PCNX4: variants seen among roughly 807,000 people sequenced by gnomAD.
PCNX4 encodes the protein pecanex 4.
In PCNX4, 103 loss-of-function variants were observed where a neutral mutation model predicts 107.2. That is an observed-to-expected ratio of 0.96 (90% CI 0.82 to 1.13). PCNX4 has a LOEUF of 1.13. Among genes scored for constraint, PCNX4 ranks in the 50% most tolerant of loss-of-function variants. The pLI is 0.00. For missense variants in PCNX4, 1,528 were observed against 1,379.4 expected, an observed-to-expected ratio of 1.11 and a Z score of -1.71; for synonymous variants, 541 against 481.7, an observed-to-expected ratio of 1.12 and a Z score of -1.61.
In PCNX4 at chr14:60,139,301, C is replaced by T. The variant is rs1896279926; in HGVS notation, c.*5080C>T. ...TAATATGAAATACAAAAAACAAAAA[C>T]GATAGGGCAGGGGACTATGGTGGCT... On this transcript the variant is annotated 3_prime_UTR_variant, in exon 11 of 11. Transcript: ENST00000406854. The T allele has an allele frequency of 6.6e-6, 1 of 151,948 alleles. No individual in the cohort carries two copies. The highest frequency in any genetic ancestry group is 2.4e-5 in the African/African-American group (1 of 41,426). The allele number at this position is 151,948 out of a possible 1,614,324, so 9.4% of individuals were successfully genotyped here.
rs1200992103 is a variant in PCNX4, at chr14:60,140,922, C to A, written c.*6701C>A. 6.7e-6 allele frequency: 1 copy of A among 148,516 alleles called. No individual in the cohort carries two copies. The highest frequency in any genetic ancestry group is 1.5e-5 in the Non-Finnish European group (1 of 67,788). The allele number at this position is 148,516 out of a possible 1,614,324, so 9.2% of individuals were successfully genotyped here. On this transcript the variant is annotated 3_prime_UTR_variant, in exon 11 of 11. Transcript: ENST00000406854. The surrounding 1 kb of genome is among the most constrained non-coding windows in gnomAD (Gnocchi z 4.2). ...GCACCTGCCCACCTTTGCACTCGTCCATATCCCCCAGAGCAACCTGATAAG... is the reference window on the plus strand; with the variant it reads ...GCACCTGCCCACCTTTGCACTCGTCAATATCCCCCAGAGCAACCTGATAAG...
chr14:60,132,722 A>C (rs918432285), intron 10 of PCNX4, among the ~76,000 whole-genome samples: 1 of 152,140 alleles, frequency 6.6e-6, no homozygotes, highest in Non-Finnish European at 1.5e-5. Flanking sequence ...GACTGTTACT[A>C]GAATATATAA....
rs1896031648 is a variant in PCNX4 at position 60,125,198 on chromosome 14, G to A, written c.3027G>A (p.Leu1009=). Residue 1009 remains leucine (L), a synonymous_variant, in exon 9 of 11, where the codon TTG becomes TTA. Transcript: ENST00000406854. ...GTGTTTTGCCTTGGTCTGTTGCTTT[G>A]GACTGGCTCACAGAAAAGCCAGAAC... ...YGGVLPWSVA[L]DWLTEKPELF... The A allele has an allele frequency of 6.2e-7, 1 of 1,606,848 alleles. No homozygotes were observed. The highest frequency in any genetic ancestry group is 1.3e-5 in the African/African-American group (1 of 74,550).
At chr14:60,095,044 G>A (rs1895396811) in intron 1 of PCNX4, among the ~76,000 whole-genome samples, 1 of 152,068 alleles carries the variant, frequency 6.6e-6, no homozygotes, top group African/African-American at 2.4e-5. Context: ...AAAAATGATG[G>A]GACAAGTCTC....
At chr14:60,132,325 G>C (rs1466905037) in intron 10 of PCNX4, among the ~76,000 whole-genome samples, 1 of 152,126 alleles carries the variant, frequency 6.6e-6, no homozygotes, top group Non-Finnish European at 1.5e-5. Flanking sequence ...CTAAATCCAG[G>C]ATGATCTCAT....
In PCNX4 at chr14:60,134,415, A is replaced by G. The variant is rs750196914; in HGVS notation, c.*194A>G. Reference sequence around the variant, plus strand: ...AAACAGCAAAAACATCTTTATGTCTAAGATAAAAGAACTATTTGGCCAATA... The same window carrying G: ...AAACAGCAAAAACATCTTTATGTCTGAGATAAAAGAACTATTTGGCCAATA... On this transcript the variant is annotated 3_prime_UTR_variant, in exon 11 of 11. Coordinates refer to ENST00000406854, the MANE Select transcript of PCNX4 (RefSeq NM_001330177.2). 1.6e-6 allele frequency: 1 copy of G among 608,290 alleles called. No homozygotes were observed. The highest frequency in any genetic ancestry group is 2.7e-6 in the Non-Finnish European group (1 of 365,582). The allele number at this position is 608,290 out of a possible 1,614,324, so 37.7% of individuals were successfully genotyped here.
At chr14:60,116,174 A>G in intron 6 of PCNX4, 114 bp downstream of exon 6, 2 of 1,021,094 alleles carry the variant, frequency 2.0e-6, no homozygotes, top group Non-Finnish European at 2.7e-6. Context: ...ATTTTAGAAC[A>G]TTTTCAACAT....
At chr14:60,093,632 A>G (rs1158822780) in intron 1 of PCNX4, among the ~76,000 whole-genome samples, 2 of 152,118 alleles carry the variant, frequency 1.3e-5, no homozygotes, top group Non-Finnish European at 2.9e-5. Flanking sequence ...TGTTAGTAAT[A>G]TTTCTTCTAT....
intron 1 of PCNX4, among the ~76,000 whole-genome samples, chr14:60,105,842 G>A (rs1321591646): frequency 1.3e-5 from 2 of 152,108 alleles, no homozygotes; most frequent in East Asian, 1.9e-4. Flanking sequence ...AGCCAGAAGG[G>A]CCAACTTTTA....
At position 60,121,181 on chromosome 14, in the gene PCNX4, T is replaced by TTC. The variant is rs1555330600; in HGVS notation, c.1943-15_1943-14insTC. On this transcript the variant is annotated splice_polypyrimidine_tract_variant and intron_variant, in intron 7 of 10. Transcript: ENST00000406854. ...ATTTTCTTTTTTTTTTTTTTTTTTT[T>TTC]CTAATTTGTTGTAGGTCTCCTCCTA... 364 of 1,522,988 alleles carry TTC rather than the reference T, an allele frequency of 2.4e-4. 1 individual carries two copies. Among genetic ancestry groups the TTC allele is most frequent in the Middle Eastern group, 5.3e-4 (3 of 5,622 alleles). The allele number at this position is 1,522,988 out of a possible 1,614,324, so 94.3% of individuals were successfully genotyped here.
chr14:60,134,377 T>C lies in PCNX4; in HGVS notation c.*156T>C. ...GTAAAGTTGGTTCTCTTAGCCATCT[T>C]AATGGTTCTAAAAAACAGCAAAAAC... On this transcript the variant is annotated 3_prime_UTR_variant, in exon 11 of 11. Transcript: ENST00000406854. 1.1e-6 allele frequency: 1 copy of C among 893,160 alleles called. No homozygotes were observed. The allele number at this position is 893,160 out of a possible 1,614,324, so 55.3% of individuals were successfully genotyped here. A position where few individuals can be genotyped will look rare whatever the true frequency, so the allele number is the denominator to read the frequency against.
chr14:60,122,584 C>T (rs1032861864), intron 8 of PCNX4, among the ~76,000 whole-genome samples: 4 of 152,076 alleles, frequency 2.6e-5, no homozygotes, highest in Non-Finnish European at 5.9e-5. Flanking sequence ...CTCCCAACCC[C>T]CCCTTGCCTT....
At chr14:60,119,723 T>C (rs1895919907) in intron 7 of PCNX4, among the ~76,000 whole-genome samples, 1 of 152,200 alleles carries the variant, frequency 6.6e-6, no homozygotes, top group Admixed American at 6.5e-5. Flanking sequence ...TAGATAAAAA[T>C]TATACTTTAT....
In PCNX4 at chr14:60,144,854, T is replaced by C. The variant is rs1595187293; in HGVS notation, c.*10633T>C. Reference sequence around the variant, plus strand: ...CATGTTGGAAGCAAAGTCATATCTATTAAAAAGTAAAATCACAAATTAGTC... The same window carrying C: ...CATGTTGGAAGCAAAGTCATATCTACTAAAAAGTAAAATCACAAATTAGTC... On this transcript the variant is annotated 3_prime_UTR_variant, in exon 11 of 11. Coordinates refer to ENST00000406854, the MANE Select transcript of PCNX4 (RefSeq NM_001330177.2). 8.6e-6 allele frequency: 8 copies of C among 926,728 alleles called. No individual in the cohort carries two copies. In the East Asian group the frequency reaches 2.0e-4, roughly 23 times the overall value. 57.4% of individuals were successfully genotyped at this position (926,728 alleles called of 1,614,324 possible).
At position 60,147,427 on chromosome 14, in the gene PCNX4, T is replaced by G. The variant is rs1003055614; in HGVS notation, c.*13206T>G. 6.6e-6 allele frequency: 1 copy of G among 152,210 alleles called. No individual in the cohort carries two copies. The highest frequency in any genetic ancestry group is 6.5e-5 in the Admixed American group (1 of 15,274). The allele number at this position is 152,210 out of a possible 1,614,324, so 9.4% of individuals were successfully genotyped here. A position where few individuals can be genotyped will look rare whatever the true frequency, so the allele number is the denominator to read the frequency against. On this transcript the variant is annotated 3_prime_UTR_variant, in exon 11 of 11. Transcript: ENST00000406854. ...AAAAAGGTAACTGGGTGACATGTATTAATTAGCTTGATTGTGGTAATCATT... is the reference window on the plus strand; with the variant it reads ...AAAAAGGTAACTGGGTGACATGTATGAATTAGCTTGATTGTGGTAATCATT...
At chr14:60,124,081 T>C (rs1384998510) in intron 8 of PCNX4, 137 bp from the exon 9 acceptor site, 1 of 638,362 alleles carries the variant, frequency 1.6e-6, no homozygotes, top group African/African-American at 1.9e-5. Flanking sequence ...GTCAGGATGT[T>C]GCTCTTGAGT....
rs778462550 is a variant in PCNX4, at chr14:60,108,350, GTAAC to G, written c.689+29_689+32del. 6.5e-6 allele frequency: 10 copies of G among 1,528,058 alleles called. No homozygotes were observed. In the African/African-American group the frequency reaches 1.4e-4, roughly 21 times the overall value. 94.7% of individuals were successfully genotyped at this position (1,528,058 alleles called of 1,614,324 possible). ...CAGGTAAAAACCTACCAAATACTTT[GTAAC>G]TAACTTTGTTTTTAAGTATACAGAG... On this transcript the variant is annotated intron_variant, in intron 2 of 10. Coordinates refer to ENST00000406854, the MANE Select transcript of PCNX4 (RefSeq NM_001330177.2).
chr14:60,115,269 G>C lies in PCNX4; in HGVS notation c.1165G>C (p.Ala389Pro). 1 of 1,610,838 alleles carries C rather than the reference G, an allele frequency of 6.2e-7. No individual in the cohort carries two copies. The change falls in exon 4 of 11, where the codon GCT (alanine) becomes CCT (proline). Residue 389 changes from alanine (A) to proline (P), a missense_variant. Transcript: ENST00000406854. The part of the protein sequence containing the change: ...FSQISKSNSQ[A>P]IVGYGLMILL... ...ACAGATTTCTAAAAGCAATTCCCAG[G>C]CTATTGTGGGCTATGGTTTGATGAT... is the stretch of plus-strand genomic sequence containing the variant.
At chr14:60,100,025 A>G (rs942964669) in intron 1 of PCNX4, among the ~76,000 whole-genome samples, 3 of 152,138 alleles carry the variant, frequency 2.0e-5, no homozygotes, top group African/African-American at 7.2e-5. Context: ...AGATCATGCT[A>G]CTGCACTCCA....
Sources: gnomAD v4.1 joint callset for allele counts (sites outside exome capture counted in the v4.1 genomes callset) on GRCh38, gnomAD v4.1.1 for gene constraint, Gnocchi (gnomAD v3.1) non-coding constraint, MANE v1.5 for transcripts, NCBI Gene and HGNC (gene_info 2026-07-23, HGNC 2026-07-21) for gene names.